The following TSHZ2 variants were observed in gnomAD, a reference collection of about 807,000 sequenced individuals.
TSHZ2 encodes the protein teashirt zinc finger homeobox 2.
Under a neutral mutation model 74.4 loss-of-function variants are expected in TSHZ2, and 21 were observed. The ratio of observed to expected loss-of-function variants is 0.28; its 90% CI spans 0.20 to 0.41. The LOEUF (loss-of-function observed/expected upper bound fraction) is 0.41, where lower values mean the gene tolerates loss of function less well. Ranked by LOEUF, TSHZ2 falls within the 10% of genes least tolerant of loss-of-function variation. The probability of loss-of-function intolerance (pLI) is 1.00; values close to 1 mark genes in which losing one functional copy is unlikely to be tolerated. For missense variants in TSHZ2, 1,244 were observed against 1,293.5 expected, an observed-to-expected ratio of 0.96 and a Z score of 0.59; for synonymous variants, 540 against 515.3, an observed-to-expected ratio of 1.05 and a Z score of -0.65.
intron 1 of TSHZ2, among the ~76,000 whole-genome samples, chr20:53,011,270 G>A (rs1982840439): frequency 6.6e-6 from 1 of 152,188 alleles, no homozygotes; most frequent in Admixed American, 6.5e-5. Flanking sequence ...TATCTCAAGA[G>A]CCCCAATTCA....
intron 2 of TSHZ2, among the ~76,000 whole-genome samples, chr20:53,434,579 C>G (rs942493799): frequency 1.3e-5 from 2 of 152,136 alleles, no homozygotes; most frequent in African/African-American, 4.8e-5. Flanking sequence ...TTGAGTTGTC[C>G]GTTAGGGGGA....
intron 2 of TSHZ2, among the ~76,000 whole-genome samples, chr20:53,320,783 G>A (rs1262579542): frequency 6.6e-6 from 1 of 152,192 alleles, no homozygotes; most frequent in Non-Finnish European, 1.5e-5. Flanking sequence ...CCCACTTTGG[G>A]AGAGACTGAA....
intron 1 of TSHZ2, among the ~76,000 whole-genome samples, chr20:53,085,474 G>C (rs530119082): frequency 6.6e-6 from 1 of 152,234 alleles, no homozygotes; most frequent in South Asian, 2.1e-4. Flanking sequence ...CTGTCAGTGG[G>C]GAAACACACC....
At chr20:53,099,515 T>C (rs1986153764) in intron 1 of TSHZ2, among the ~76,000 whole-genome samples, 1 of 152,248 alleles carries the variant, frequency 6.6e-6, no homozygotes. Flanking sequence ...ATGCACATTT[T>C]TGTTTACTTA....
chr20:53,051,549 G>T (rs1195183299), intron 1 of TSHZ2, among the ~76,000 whole-genome samples: 1 of 151,110 alleles, frequency 6.6e-6, no homozygotes, highest in South Asian at 2.1e-4. Flanking sequence ...TTTTGCTGTA[G>T]AGAACTAAAG....
intron 2 of TSHZ2, among the ~76,000 whole-genome samples, chr20:53,411,018 A>G (rs1983036968): frequency 6.6e-6 from 1 of 152,230 alleles, no homozygotes; most frequent in African/African-American, 2.4e-5. Context: ...CTGTAATTCA[A>G]TGTTCCCTGG....
At chr20:53,441,780 C>T (rs1340006645) in intron 2 of TSHZ2, among the ~76,000 whole-genome samples, 1 of 151,370 alleles carries the variant, frequency 6.6e-6, no homozygotes, top group African/African-American at 2.4e-5. Context: ...CAGGGTTTTG[C>T]CATGTTGGCC....
chr20:53,464,414 C>T (rs1347343962), intron 2 of TSHZ2, among the ~76,000 whole-genome samples: 3 of 152,022 alleles, frequency 2.0e-5, no homozygotes, highest in African/African-American at 7.2e-5. Flanking sequence ...GAGAAGGGCC[C>T]TTCAGGCAGG....
chr20:53,350,198 T>C (rs532849324), intron 2 of TSHZ2, among the ~76,000 whole-genome samples: 2 of 152,374 alleles, frequency 1.3e-5, no homozygotes, highest in East Asian at 3.9e-4. Flanking sequence ...TCACTGGTTC[T>C]AGGGACTCGA....
At chr20:52,986,058 C>G (rs1981741446) in intron 1 of TSHZ2, among the ~76,000 whole-genome samples, 1 of 152,100 alleles carries the variant, frequency 6.6e-6, no homozygotes, top group Non-Finnish European at 1.5e-5. Context: ...GAGCAGACCT[C>G]AGATTCAGAG....
At chr20:53,153,241 TC>T (rs1248340998) in intron 1 of TSHZ2, among the ~76,000 whole-genome samples, 2 of 152,152 alleles carry the variant, frequency 1.3e-5, no homozygotes, top group African/African-American at 4.8e-5. Flanking sequence ...AGCATAAATG[TC>T]CCCAGCCTGG....
chr20:53,369,522 C>G (rs1213121812), intron 2 of TSHZ2, among the ~76,000 whole-genome samples: 1 of 151,836 alleles, frequency 6.6e-6, no homozygotes, highest in Non-Finnish European at 1.5e-5. Context: ...GCCGGGCCAG[C>G]ATGGTGAAAC....
chr20:53,195,052 G>A (rs1311180046), intron 1 of TSHZ2, among the ~76,000 whole-genome samples: 2 of 152,110 alleles, frequency 1.3e-5, no homozygotes, highest in African/African-American at 4.8e-5. Flanking sequence ...GGGGATTGGT[G>A]GCAAGGGGTG....
chr20:53,128,630 C>CT lies in TSHZ2; in HGVS notation c.41-124859dup, dbSNP rs34787845. 2.1e-3 allele frequency among the ~76,000 whole-genome samples: 317 copies of CT among 148,322 alleles called. 2 individuals carry two copies. The highest frequency in any genetic ancestry group is 6.8e-3 in the African/African-American group (277 of 40,464). On this transcript the variant is annotated intron_variant, in intron 1 of 2. Transcript: ENST00000371497. ...ATACCCAGAGAAATGAGCAGGAGCA[C>CT]TTTTTTTTTTAGATGGAGTCTCGCA... is the stretch of plus-strand genomic sequence containing the variant.
chr20:53,346,488 G>A (rs987381468), intron 2 of TSHZ2, among the ~76,000 whole-genome samples: 6 of 152,324 alleles, frequency 3.9e-5, no homozygotes, highest in Middle Eastern at 3.4e-3. Flanking sequence ...ACATCTGTGC[G>A]TGGGTTTGAT....
intron 1 of TSHZ2, among the ~76,000 whole-genome samples, chr20:53,034,975 T>A (rs1445827985): frequency 6.6e-6 from 1 of 152,162 alleles, no homozygotes; most frequent in African/African-American, 2.4e-5. Context: ...GAGATCAGGA[T>A]AGCAGGAAGG....
chr20:53,077,426 AAG>A (rs1240517221), intron 1 of TSHZ2, among the ~76,000 whole-genome samples: 1 of 150,536 alleles, frequency 6.6e-6, no homozygotes, highest in East Asian at 1.9e-4. Flanking sequence ...AAAAAAAAAA[AAG>A]ATAATACTCT....
intron 1 of TSHZ2, among the ~76,000 whole-genome samples, chr20:52,987,132 C>T (rs1332618734): frequency 6.6e-6 from 1 of 152,134 alleles, no homozygotes; most frequent in African/African-American, 2.4e-5. Flanking sequence ...AGGATATCAG[C>T]GGGAAGCTCA....
Position 53,033,370 on chromosome 20 carries a change from T to C in TSHZ2, c.40+60037T>C, listed in dbSNP as rs138000997. Among the ~76,000 whole-genome samples, 801 of 152,284 alleles carry C rather than the reference T, an allele frequency of 5.3e-3. 6 individuals are homozygous for C. Among genetic ancestry groups the C allele is most frequent in the East Asian group, 6.2e-3 (32 of 5,180 alleles). On this transcript the variant is annotated intron_variant, in intron 1 of 2. Coordinates refer to ENST00000371497, the MANE Select transcript of TSHZ2 (RefSeq NM_173485.6). Reference sequence around the variant, plus strand: ...TTTTCCTACTGCATGCCAGTGTCAATGTGTGATGTGAAAAGAGGAGAATAT... The same window carrying C: ...TTTTCCTACTGCATGCCAGTGTCAACGTGTGATGTGAAAAGAGGAGAATAT...
Sources: allele counts gnomAD v4.1 joint callset (sites outside exome capture counted in the v4.1 genomes callset), GRCh38; gene constraint gnomAD v4.1.1; transcripts MANE v1.5; gene names NCBI Gene and HGNC (gene_info 2026-07-23, HGNC 2026-07-21).